GPC6: variants seen among roughly 807,000 people sequenced by gnomAD.
GPC6 encodes the protein glypican-6.
Under a neutral mutation model 55.2 loss-of-function variants are expected in GPC6, and 14 were observed. That is an observed-to-expected ratio of 0.25 (90% CI 0.17 to 0.40). The LOEUF is 0.40. Ranked by LOEUF, GPC6 falls within the 10% of genes least tolerant of loss-of-function variation. The probability of loss-of-function intolerance (pLI) is 1.00; values close to 1 mark genes in which losing one functional copy is unlikely to be tolerated. For missense variants in GPC6, 641 were observed against 708.5 expected, an observed-to-expected ratio of 0.90 and a Z score of 1.08; for synonymous variants, 278 against 259.6, an observed-to-expected ratio of 1.07 and a Z score of -0.68.
intron 6 of GPC6, among the ~76,000 whole-genome samples, chr13:94,379,935 G>T (rs575854585): frequency 6.6e-6 from 1 of 152,314 alleles, no homozygotes; most frequent in African/African-American, 2.4e-5. Context: ...AGGGCATAGC[G>T]CAGCGCAGAA....
rs571812942 is a variant in GPC6, at chr13:93,756,718, G to A, written c.320-73436G>A. ...GGGGGCATAAGAGATGAAGCCCTAA[G>A]AAATGAATCACTTTTCTTTTCCTTT... On this transcript the variant is annotated intron_variant, in intron 2 of 8. Coordinates refer to ENST00000377047, the MANE Select transcript of GPC6 (RefSeq NM_005708.5). Among the ~76,000 whole-genome samples, 8 of 152,194 alleles carry A rather than the reference G, an allele frequency of 5.3e-5. No homozygotes were observed. The East Asian group carries it at 1.4e-3, about 26-fold the overall frequency.
At chr13:94,269,864 T>C (rs1891937010) in intron 4 of GPC6, among the ~76,000 whole-genome samples, 1 of 152,200 alleles carries the variant, frequency 6.6e-6, no homozygotes, top group South Asian at 2.1e-4. Context: ...CTATCAGATA[T>C]CTACAAATTT....
intron 3 of GPC6, among the ~76,000 whole-genome samples, chr13:93,990,263 C>CT (rs886266472): frequency 2.4e-4 from 35 of 147,162 alleles, no homozygotes; most frequent in East Asian, 1.6e-3. Context: ...TAATGTCTGC[C>CT]TTTTTTTTTT....
chr13:94,054,448 G>A (rs1004037884), intron 4 of GPC6, among the ~76,000 whole-genome samples: 1 of 152,168 alleles, frequency 6.6e-6, no homozygotes, highest in Non-Finnish European at 1.5e-5. Context: ...CAGTAGGTCT[G>A]GGGTGGGGAA....
rs1321701345 is a variant in GPC6 at position 94,406,238 on chromosome 13, T to C, written c.*3021T>C. 1 of 152,170 alleles carries C rather than the reference T, an allele frequency of 6.6e-6. No individual in the cohort carries two copies. The highest frequency in any genetic ancestry group is 2.4e-5 in the African/African-American group (1 of 41,470). 9.4% of individuals were successfully genotyped at this position (152,170 alleles called of 1,614,324 possible). A position where few individuals can be genotyped will look rare whatever the true frequency, so the allele number is the denominator to read the frequency against. On this transcript the variant is annotated 3_prime_UTR_variant, in exon 9 of 9. Coordinates refer to ENST00000377047, the MANE Select transcript of GPC6 (RefSeq NM_005708.5). ...TGTATTTTTCTAACAGAAATACACG[T>C]CTGTAATTGGTATATATTATACTTT...
At chr13:93,735,268 C>T (rs1375285289) in intron 2 of GPC6, among the ~76,000 whole-genome samples, 1 of 152,144 alleles carries the variant, frequency 6.6e-6, no homozygotes, top group Non-Finnish European at 1.5e-5. Context: ...GGTGTGGTGG[C>T]TCAAACCTGT....
At chr13:93,778,321 G>A (rs939776101) in intron 2 of GPC6, among the ~76,000 whole-genome samples, 52 of 152,176 alleles carry the variant, frequency 3.4e-4, no homozygotes, top group African/African-American at 1.1e-3. Context: ...TTCTGTTACT[G>A]TTGGTACCAA....
intron 6 of GPC6, among the ~76,000 whole-genome samples, chr13:94,377,945 A>G (rs1362495309): frequency 6.6e-6 from 1 of 152,150 alleles, no homozygotes; most frequent in African/African-American, 2.4e-5. Flanking sequence ...CTATCACAAG[A>G]ACAAAAAACC....
At chr13:94,164,921 A>G (rs1432788505) in intron 4 of GPC6, among the ~76,000 whole-genome samples, 4 of 152,112 alleles carry the variant, frequency 2.6e-5, no homozygotes, top group Non-Finnish European at 4.4e-5. Context: ...AATTAACACC[A>G]TTGCCATTCT....
At chr13:94,003,656 A>G (rs755359987) in intron 3 of GPC6, among the ~76,000 whole-genome samples, 28 of 152,186 alleles carry the variant, frequency 1.8e-4, no homozygotes, top group Non-Finnish European at 3.2e-4. Flanking sequence ...TTGACACTCA[A>G]GATTCTATGA....
intron 4 of GPC6, among the ~76,000 whole-genome samples, chr13:94,203,324 C>A (rs1889811416): frequency 1.3e-5 from 2 of 151,124 alleles, no homozygotes. Context: ...AAGAAAATAA[C>A]CATGAAAATT....
At chr13:94,308,749 C>T (rs1471737486) in intron 6 of GPC6, among the ~76,000 whole-genome samples, 2 of 152,190 alleles carry the variant, frequency 1.3e-5, no homozygotes, top group East Asian at 3.8e-4. Flanking sequence ...CATAAGCCCA[C>T]TTTGCTCAGC....
chr13:94,206,508 C>A (rs558196839), intron 4 of GPC6, among the ~76,000 whole-genome samples: 18 of 152,156 alleles, frequency 1.2e-4, no homozygotes, highest in African/African-American at 4.3e-4. Context: ...CACGTTGAGG[C>A]CTTGCTAATC....
intron 1 of GPC6, among the ~76,000 whole-genome samples, chr13:93,480,044 A>C (rs1455190765): frequency 2.0e-5 from 3 of 152,220 alleles, no homozygotes; most frequent in Non-Finnish European, 4.4e-5. Context: ...TGAATGTCAA[A>C]TCATACATGA....
chr13:93,751,926 T>A (rs1884607823), intron 2 of GPC6, among the ~76,000 whole-genome samples: 1 of 152,124 alleles, frequency 6.6e-6, no homozygotes, highest in Non-Finnish European at 1.5e-5. Flanking sequence ...CCATTCTGAT[T>A]TGTGTGGTAT....
At chr13:93,861,498 T>C (rs1393928058) in intron 3 of GPC6, among the ~76,000 whole-genome samples, 2 of 151,384 alleles carry the variant, frequency 1.3e-5, no homozygotes, top group African/African-American at 4.8e-5. Flanking sequence ...AGACAGCCAC[T>C]GAATGTAGAT....
chr13:93,934,839 C>G (rs1275495936), intron 3 of GPC6, among the ~76,000 whole-genome samples: 1 of 143,118 alleles, frequency 7.0e-6, no homozygotes, highest in Non-Finnish European at 1.5e-5. Flanking sequence ...TTTAAGGATA[C>G]AATATGTGAC....
chr13:93,321,184 C>T (rs183837361), intron 1 of GPC6, among the ~76,000 whole-genome samples: 17 of 152,256 alleles, frequency 1.1e-4, no homozygotes, highest in Admixed American at 4.6e-4. Context: ...AATTGCATCA[C>T]GTTAGTTTGC....
intron 1 of GPC6, among the ~76,000 whole-genome samples, chr13:93,502,439 C>A (rs74108569): frequency 0.014 from 2,141 of 152,190 alleles, 47 homozygotes; most frequent in African/African-American, 0.049. Flanking sequence ...CAAACTCTTA[C>A]ATCTATACCC....
Sources: gnomAD v4.1 joint callset for allele counts (sites outside exome capture counted in the v4.1 genomes callset) on GRCh38, gnomAD v4.1.1 for gene constraint, MANE v1.5 for transcripts, NCBI Gene and HGNC (gene_info 2026-07-23, HGNC 2026-07-21) for gene names.